The following CDKAL1 variants were observed in gnomAD, a reference collection of about 807,000 sequenced individuals.
CDKAL1 encodes the protein threonylcarbamoyladenosine tRNA methylthiotransferase.
CDKAL1 carries 32 observed loss-of-function variants against 68.2 expected under a neutral mutation model. That is an observed-to-expected ratio of 0.47 (90% confidence interval 0.35 to 0.63). The LOEUF is 0.63. Among genes scored for constraint, CDKAL1 ranks in the 30% least tolerant of loss-of-function variants. CDKAL1 has a pLI of 0.00. For synonymous variants in CDKAL1, 234 were observed against 244.3 expected, an observed-to-expected ratio of 0.96 and a Z score of 0.39; for missense variants, 606 against 696.7, an observed-to-expected ratio of 0.87 and a Z score of 1.47.
intron 4 of CDKAL1, among the ~76,000 whole-genome samples, chr6:20,616,256 C>T (rs982330417): frequency 2.2e-3 from 339 of 152,174 alleles, no homozygotes; most frequent in Non-Finnish European, 3.7e-3. Flanking sequence ...ATTGCCTTGG[C>T]GATGCGGGCT....
intron 4 of CDKAL1, among the ~76,000 whole-genome samples, chr6:20,560,711 A>G (rs1287808953): frequency 1.3e-5 from 2 of 152,200 alleles, no homozygotes; most frequent in Non-Finnish European, 2.9e-5. Flanking sequence ...CTACTTTACC[A>G]GCATATGTTT....
chr6:20,763,257 GTC>G (rs1774547166), intron 7 of CDKAL1, among the ~76,000 whole-genome samples: 1 of 152,056 alleles, frequency 6.6e-6, no homozygotes, highest in African/African-American at 2.4e-5. Context: ...TTACCCTAAG[GTC>G]ACAGCTCTTG....
At chr6:20,976,403 T>C (rs1203194976) in intron 10 of CDKAL1, among the ~76,000 whole-genome samples, 2 of 152,210 alleles carry the variant, frequency 1.3e-5, no homozygotes, top group East Asian at 3.8e-4. Context: ...GAAATTAGAA[T>C]AAATGAATCC....
In CDKAL1 at chr6:20,796,611, G is replaced by A. The variant is rs559545051; in HGVS notation, c.638+15346G>A. ...ACTGTAAAGTAGCAGCAATCAAGAGGTGTGGTAGTGGTGAAGGGATAGACA... is the reference window on the plus strand; with the variant it reads ...ACTGTAAAGTAGCAGCAATCAAGAGATGTGGTAGTGGTGAAGGGATAGACA... On this transcript the variant is annotated intron_variant, in intron 8 of 15. Coordinates refer to ENST00000274695, the MANE Select transcript of CDKAL1 (RefSeq NM_017774.3). Among the ~76,000 whole-genome samples the A allele has an allele frequency of 3.9e-5, 6 of 152,288 alleles. No homozygotes were observed. In the East Asian group the frequency reaches 9.6e-4, roughly 24 times the overall value.
intron 9 of CDKAL1, among the ~76,000 whole-genome samples, chr6:20,883,634 G>T (rs1431610196): frequency 6.6e-6 from 1 of 152,190 alleles, no homozygotes; most frequent in East Asian, 1.9e-4. Context: ...GGGGTGAAGT[G>T]TCTTGATATA....
intron 6 of CDKAL1, among the ~76,000 whole-genome samples, chr6:20,745,328 CAA>C (rs1773619425): frequency 2.6e-5 from 4 of 152,158 alleles, no homozygotes. Flanking sequence ...AAAAGGTAAA[CAA>C]ATTCACAAAG....
intron 4 of CDKAL1, among the ~76,000 whole-genome samples, chr6:20,624,652 A>G (rs1385107318): frequency 1.3e-5 from 2 of 151,818 alleles, no homozygotes; most frequent in African/African-American, 4.8e-5. Flanking sequence ...AAAACCACCC[A>G]TTTTTACAAT....
chr6:20,930,255 A>G (rs1467947506), intron 9 of CDKAL1, among the ~76,000 whole-genome samples: 1 of 31,038 alleles, frequency 3.2e-5, no homozygotes, highest in East Asian at 0.012. Flanking sequence ...ATAAACGTGA[A>G]TTAAAAAAAA....
intron 7 of CDKAL1, among the ~76,000 whole-genome samples, chr6:20,767,983 C>G (rs1347956577): frequency 6.6e-6 from 1 of 152,084 alleles, no homozygotes; most frequent in Non-Finnish European, 1.5e-5. Flanking sequence ...TCAGTACTAC[C>G]ATTTTATAAC....
intron 4 of CDKAL1, among the ~76,000 whole-genome samples, chr6:20,562,780 A>G (rs935277606): frequency 2.0e-5 from 3 of 152,144 alleles, no homozygotes; most frequent in African/African-American, 7.2e-5. Flanking sequence ...TGTTATTTCA[A>G]TCTTTCCCGG....
intron 6 of CDKAL1, among the ~76,000 whole-genome samples, chr6:20,754,747 C>T (rs1051581139): frequency 6.6e-6 from 1 of 152,144 alleles, no homozygotes; most frequent in African/African-American, 2.4e-5. Context: ...TCTGTGTTGT[C>T]ATGTTACTTT....
chr6:21,230,566 C>T (rs971539187), intron 15 of CDKAL1, among the ~76,000 whole-genome samples: 1 of 152,196 alleles, frequency 6.6e-6, no homozygotes, highest in Admixed American at 6.5e-5. Flanking sequence ...AGATTCTACC[C>T]TTCATGAATT....
At chr6:20,997,960 A>G (rs898295053) in intron 10 of CDKAL1, among the ~76,000 whole-genome samples, 1 of 152,174 alleles carries the variant, frequency 6.6e-6, no homozygotes, top group Non-Finnish European at 1.5e-5. Flanking sequence ...GATTATCTTA[A>G]TTTATTTTCA....
intron 7 of CDKAL1, among the ~76,000 whole-genome samples, chr6:20,763,428 A>G (rs1774556389): frequency 6.6e-6 from 1 of 152,090 alleles, no homozygotes; most frequent in African/African-American, 2.4e-5. Flanking sequence ...TCGTTCCTTT[A>G]TGAAAATCTT....
chr6:20,807,466 C>A (rs1163759089), intron 8 of CDKAL1, among the ~76,000 whole-genome samples: 1 of 152,160 alleles, frequency 6.6e-6, no homozygotes, highest in Non-Finnish European at 1.5e-5. Flanking sequence ...TGTGATCGGC[C>A]CACCTCGGCC....
chr6:20,784,994 G>C (rs893356932), intron 8 of CDKAL1, among the ~76,000 whole-genome samples: 3 of 151,718 alleles, frequency 2.0e-5, no homozygotes, highest in Non-Finnish European at 2.9e-5. Flanking sequence ...TTTCCCTCTT[G>C]TAGACTTAAT....
At chr6:20,619,488 C>A (rs1392735518) in intron 4 of CDKAL1, among the ~76,000 whole-genome samples, 1 of 152,094 alleles carries the variant, frequency 6.6e-6, no homozygotes, top group African/African-American at 2.4e-5. Flanking sequence ...GTGATAAATA[C>A]AATTCTATCT....
intron 11 of CDKAL1, among the ~76,000 whole-genome samples, chr6:21,010,824 C>T (rs1391464835): frequency 1.3e-5 from 2 of 152,150 alleles, no homozygotes; most frequent in African/African-American, 2.4e-5. Context: ...TGGTTCACGC[C>T]TGTAACCCCA....
intron 9 of CDKAL1, among the ~76,000 whole-genome samples, chr6:20,920,330 A>G (rs1762896261): frequency 6.6e-6 from 1 of 152,190 alleles, no homozygotes; most frequent in Non-Finnish European, 1.5e-5. Context: ...GTTAAAAATA[A>G]AGGTTTTATG....
Sources: gnomAD v4.1 joint callset for allele counts (sites outside exome capture counted in the v4.1 genomes callset) on GRCh38, gnomAD v4.1.1 for gene constraint, MANE v1.5 for transcripts, NCBI Gene and HGNC (gene_info 2026-07-23, HGNC 2026-07-21) for gene names.